WWOX: variants seen among roughly 807,000 people sequenced by gnomAD.
WWOX encodes WW domain-containing oxidoreductase.
Under a neutral mutation model 46.2 loss-of-function variants are expected in WWOX, and 69 were observed. The ratio of observed to expected loss-of-function variants is 1.49; its 90% confidence interval spans 1.23 to 1.82. The LOEUF (loss-of-function observed/expected upper bound fraction) is 1.82. WWOX is among the 40% of genes most tolerant of loss of function. The pLI is 0.00. For synonymous variants in WWOX, 359 were observed against 202.6 expected, an observed-to-expected ratio of 1.77 and a Z score of -6.56; for missense variants, 919 against 542.6, an observed-to-expected ratio of 1.69 and a Z score of -6.89.
chr16:78,838,790 C>T (rs1484680977), intron 8 of WWOX, among the ~76,000 whole-genome samples: 1 of 152,164 alleles, frequency 6.6e-6, no homozygotes. Context: ...TTGCAGTGAG[C>T]CCAGATCGTG....
intron 8 of WWOX, among the ~76,000 whole-genome samples, chr16:78,486,607 C>G (rs529686598): frequency 6.0e-5 from 8 of 132,392 alleles, no homozygotes; most frequent in African/African-American, 2.8e-4. Flanking sequence ...AACAGTCTCA[C>G]TCTGTCGCCC....
At chr16:78,412,429 G>T (rs1206522309) in intron 6 of WWOX, among the ~76,000 whole-genome samples, 2 of 152,198 alleles carry the variant, frequency 1.3e-5, no homozygotes, top group Non-Finnish European at 2.9e-5. Context: ...AGAGCTAAGG[G>T]TTTGAAGTCT....
intron 5 of WWOX, among the ~76,000 whole-genome samples, chr16:78,276,149 A>G (rs1254291082): frequency 6.6e-6 from 1 of 152,196 alleles, no homozygotes; most frequent in Non-Finnish European, 1.5e-5. Context: ...CATGAGTGGT[A>G]GTGAGTGGCC....
In WWOX at chr16:78,181,927, G is replaced by A. The variant is rs8049736; in HGVS notation, c.516+17638G>A. On this transcript the variant is annotated intron_variant, in intron 5 of 8. Coordinates refer to ENST00000566780, the MANE Select transcript of WWOX (RefSeq NM_016373.4). ...AAATAGCCCACCCCATCAACATGATGGCCCTTGGAAAGGACTCTTTTAGCC... is the reference window on the plus strand; with the variant it reads ...AAATAGCCCACCCCATCAACATGATAGCCCTTGGAAAGGACTCTTTTAGCC... Among the ~76,000 whole-genome samples, 1,282 of 152,182 alleles carry A rather than the reference G, an allele frequency of 8.4e-3. 21 individuals carry two copies. Among genetic ancestry groups the A allele is most frequent in the African/African-American group, 0.029 (1,213 of 41,492 alleles).
At chr16:78,815,456 A>G (rs776422365) in intron 8 of WWOX, among the ~76,000 whole-genome samples, 61 of 152,170 alleles carry the variant, frequency 4.0e-4, no homozygotes, top group Non-Finnish European at 7.1e-4. Context: ...ACCTTTACAA[A>G]CAGTGCCTTT....
chr16:78,402,382 C>T (rs747868352), intron 6 of WWOX, among the ~76,000 whole-genome samples: 4 of 152,120 alleles, frequency 2.6e-5, no homozygotes, highest in Admixed American at 6.5e-5. Context: ...GGTTGTCAGT[C>T]GGATATTTCT....
At chr16:78,856,569 G>A in intron 8 of WWOX, among the ~76,000 whole-genome samples, 1 of 152,136 alleles carries the variant, frequency 6.6e-6, no homozygotes, top group East Asian at 1.9e-4. Flanking sequence ...CTTGAACCCA[G>A]GAGGCAGAGA....
At chr16:78,710,592 T>C (rs888958179) in intron 8 of WWOX, among the ~76,000 whole-genome samples, 1 of 146,598 alleles carries the variant, frequency 6.8e-6, no homozygotes, top group Non-Finnish European at 1.5e-5. Flanking sequence ...AAAATATATA[T>C]AAATATATAC....
intron 8 of WWOX, among the ~76,000 whole-genome samples, chr16:78,894,343 C>A (rs2044655469): frequency 6.6e-6 from 1 of 152,156 alleles, no homozygotes; most frequent in Non-Finnish European, 1.5e-5. Flanking sequence ...TTGCTTCTCT[C>A]CAGCACAGCA....
chr16:78,794,224 A>G (rs138109822), intron 8 of WWOX, among the ~76,000 whole-genome samples: 7 of 152,282 alleles, frequency 4.6e-5, no homozygotes, highest in South Asian at 2.1e-4. Flanking sequence ...CCATGAATCT[A>G]TGAGGAGGCG....
intron 8 of WWOX, among the ~76,000 whole-genome samples, chr16:79,182,860 C>T (rs1397482901): frequency 2.6e-5 from 4 of 152,154 alleles, no homozygotes; most frequent in South Asian, 2.1e-4. Flanking sequence ...TTCTGTTTTC[C>T]GTAATTCCAG....
rs572533934 is a variant in WWOX at position 78,708,589 on chromosome 16, G to C, written c.1056+275837G>C. Among the ~76,000 whole-genome samples the C allele has an allele frequency of 1.8e-4, 28 of 152,238 alleles. No individual in the cohort carries two copies. The East Asian group carries it at 5.4e-3, about 29-fold the overall frequency. On this transcript the variant is annotated intron_variant, in intron 8 of 8. Transcript: ENST00000566780. ...TGGGTGTACTTGTTACCCCTTTCCA[G>C]ATTAAAAAACCTAGGGGTCAGAGAG...
intron 8 of WWOX, among the ~76,000 whole-genome samples, chr16:78,694,413 C>G (rs1055361097): frequency 1.3e-5 from 2 of 152,150 alleles, no homozygotes; most frequent in South Asian, 4.1e-4. Context: ...TGAAACAATG[C>G]CCTTCCCATT....
intron 8 of WWOX, among the ~76,000 whole-genome samples, chr16:78,528,250 G>A (rs563367344): frequency 2.8e-5 from 4 of 140,938 alleles, no homozygotes; most frequent in Admixed American, 7.9e-5. Flanking sequence ...TGCTGATCTC[G>A]TAATCCGCCC....
At chr16:78,673,291 A>T (rs17795217) in intron 8 of WWOX, among the ~76,000 whole-genome samples, 3,838 of 152,304 alleles carry the variant, frequency 0.025, 53 homozygotes, top group East Asian at 0.069. Context: ...CACTAGCCTT[A>T]GAGAGAGGAT....
chr16:78,297,039 G>C (rs1385289485), intron 5 of WWOX, among the ~76,000 whole-genome samples: 2 of 151,948 alleles, frequency 1.3e-5, no homozygotes, highest in Non-Finnish European at 2.9e-5. Flanking sequence ...AAAATTATCT[G>C]GCCCAATAAA....
intron 8 of WWOX, among the ~76,000 whole-genome samples, chr16:78,575,092 T>C (rs1286731508): frequency 1.8e-5 from 1 of 56,402 alleles, no homozygotes; most frequent in African/African-American, 5.4e-5. Flanking sequence ...TATATATATA[T>C]ATATTTAAAG....
At chr16:79,121,410 A>G (rs1011044645) in intron 8 of WWOX, among the ~76,000 whole-genome samples, 1 of 152,208 alleles carries the variant, frequency 6.6e-6, no homozygotes, top group African/African-American at 2.4e-5. Flanking sequence ...CTTAGAGACA[A>G]AGTGTTTTAC....
intron 1 of WWOX, among the ~76,000 whole-genome samples, chr16:78,107,753 T>G (rs1208435157): frequency 1.3e-5 from 2 of 152,166 alleles, no homozygotes; most frequent in African/African-American, 2.4e-5. Context: ...GAGGGTTACT[T>G]GAGTCCAGGA....
Sources: allele counts gnomAD v4.1 joint callset (sites outside exome capture counted in the v4.1 genomes callset), GRCh38; gene constraint gnomAD v4.1.1; transcripts MANE v1.5; gene names NCBI Gene and HGNC (gene_info 2026-07-23, HGNC 2026-07-21).